Variants in POP1 observed in about 807,000 individuals in gnomAD.
POP1 encodes POP1 ribonuclease P/MRP subunit.
POP1 carries 75 observed loss-of-function variants against 102.2 expected under a neutral mutation model. That is an observed-to-expected ratio of 0.73 (90% CI 0.61 to 0.89). The LOEUF (loss-of-function observed/expected upper bound fraction) is 0.89, where lower values mean the gene tolerates loss of function less well. Ranked by LOEUF, POP1 falls within the 40% of genes least tolerant of loss-of-function variation. The pLI is 0.00. For missense variants in POP1, 1,116 were observed against 1,267.4 expected (o/e 0.88, Z 1.81); for synonymous variants, 436 against 464.1 (o/e 0.94, Z 0.78).
chr8:98,128,223 T>C (rs1816269447), intron 3 of POP1, 142 bp from the exon 4 acceptor site: 3 of 770,348 alleles, frequency 3.9e-6, no homozygotes, highest in Admixed American at 2.1e-5. Context: ...TTGTACCTTG[T>C]ACCTATACCT....
At chr8:98,155,768 C>CAGGG (rs1292630258) in intron 14 of POP1, among the ~76,000 whole-genome samples, 47 of 146,164 alleles carry the variant, frequency 3.2e-4, no homozygotes, top group African/African-American at 1.1e-3. Flanking sequence ...TTTAGTAGAG[C>CAGGG]TTTCACCATG....
chr8:98,130,230 A>C lies in POP1; in HGVS notation c.735+4A>C. The C allele has an allele frequency of 6.2e-7, 1 of 1,614,062 alleles. No homozygotes were observed. The highest frequency in any genetic ancestry group is 8.5e-7 in the Non-Finnish European group (1 of 1,180,016). ...GACGAACCGGTGCCTCCTGCAGGTG[A>C]GCTTTTCCAGTGGGCTTTTTTTGTT... On this transcript the variant is annotated splice_donor_region_variant and intron_variant, in intron 5 of 15. Transcript: ENST00000401707.
At chr8:98,155,912 T>C in intron 14 of POP1, 138 bp from the exon 15 acceptor site, 1 of 255,078 alleles carries the variant, frequency 3.9e-6, no homozygotes, top group Admixed American at 6.1e-5. Flanking sequence ...AAAGCTTTTG[T>C]GTGTGTGTGT....
chr8:98,122,720 G>T (rs545266113), intron 1 of POP1, among the ~76,000 whole-genome samples: 1 of 152,154 alleles, frequency 6.6e-6, no homozygotes, highest in South Asian at 2.1e-4. Flanking sequence ...TACATTTAGG[G>T]CATCTATTGT....
At chr8:98,156,002 C>T in intron 14 of POP1, 48 bp from the exon 15 acceptor site, 1 of 1,501,862 alleles carries the variant, frequency 6.7e-7, no homozygotes, top group Non-Finnish European at 9.0e-7. Flanking sequence ...TTTTAGTTTT[C>T]CAATCCTAAA....
At chr8:98,121,250 C>G (rs1056524775) in intron 1 of POP1, among the ~76,000 whole-genome samples, 3 of 152,136 alleles carry the variant, frequency 2.0e-5, no homozygotes, top group South Asian at 2.1e-4. Flanking sequence ...ACCATATAGG[C>G]AAGTCTTAAT....
Position 98,156,060 on chromosome 8 carries a change from G to A in POP1, c.2068G>A (p.Ala690Thr). 1 of 1,613,526 alleles carries A rather than the reference G, an allele frequency of 6.2e-7. No homozygotes were observed. Among genetic ancestry groups the A allele is most frequent in the Non-Finnish European group, 8.5e-7 (1 of 1,179,998 alleles). ...LLEKYKRRPPAKRPNYVKLGT... is the reference protein window; with the variant it reads ...LLEKYKRRPPTKRPNYVKLGT... ...TATGTTTTTCTTTAGACGCCCTCCT[G>A]CAAAACGGCCCAACTACGTTAAGCT... The change falls in exon 15 of 16, where the codon GCA (alanine) becomes ACA (threonine). Residue 690 changes from alanine to threonine, a missense_variant. Coordinates refer to ENST00000401707, the MANE Select transcript of POP1 (RefSeq NM_001145860.2).
chr8:98,123,567 A>G, intron 2 of POP1, 88 bp downstream of exon 2: 1 of 1,173,462 alleles, frequency 8.5e-7, no homozygotes, highest in Admixed American at 2.0e-5. Context: ...TCATGAGGTC[A>G]AGAGATCAAG....
At chr8:98,154,129 G>A (rs922263258) in intron 14 of POP1, among the ~76,000 whole-genome samples, 2 of 152,168 alleles carry the variant, frequency 1.3e-5, no homozygotes, top group Admixed American at 6.5e-5. Flanking sequence ...AGTGGAAGAC[G>A]GAATTGAGAG....
intron 1 of POP1, among the ~76,000 whole-genome samples, chr8:98,119,579 A>AATCTT (rs1563768007): frequency 6.6e-6 from 1 of 152,120 alleles, no homozygotes; most frequent in Non-Finnish European, 1.5e-5. Flanking sequence ...TTCCTTCTGG[A>AATCTT]AACTTTTTTT....
intron 6 of POP1, 52 bp downstream of exon 6, chr8:98,134,088 T>C: frequency 1.5e-6 from 2 of 1,362,872 alleles, no homozygotes; most frequent in Non-Finnish European, 1.1e-6. Context: ...TATTTATTCA[T>C]TTCATAAAGA....
intron 1 of POP1, among the ~76,000 whole-genome samples, chr8:98,118,614 C>T (rs1210835642): frequency 2.6e-5 from 4 of 151,914 alleles, no homozygotes; most frequent in Admixed American, 6.6e-5. Flanking sequence ...TCTGTGGAGA[C>T]GGGGCTTCTT....
At position 98,158,250 on chromosome 8, in the gene POP1, G is replaced by A. The variant is rs756017733; in HGVS notation, c.3054G>A (p.Ala1018=). 55 of 1,610,560 alleles carry A rather than the reference G, an allele frequency of 3.4e-5. No individual in the cohort carries two copies. Among genetic ancestry groups the A allele is most frequent in the African/African-American group, 5.3e-5 (4 of 74,928 alleles). The change falls in exon 16 of 16, where the codon GCG becomes GCA. Residue 1018 remains alanine, a synonymous_variant. Coordinates refer to ENST00000401707, the MANE Select transcript of POP1 (RefSeq NM_001145860.2). The stretch of plus-strand genomic sequence containing the variant: ...CCGCCTCTCTGCAGTATCGATTTGC[G>A]AGGATTGCTATTGAGGTGTGAATGC... The part of the protein sequence containing the change: ...RPPASLQYRF[A]RIAIEV
intron 7 of POP1, among the ~76,000 whole-genome samples, chr8:98,135,429 T>A (rs1052522870): frequency 6.6e-5 from 10 of 152,246 alleles, no homozygotes; most frequent in Admixed American, 4.6e-4. Context: ...ATCTAGGGGC[T>A]ATTTGATAAT....
Position 98,123,493 on chromosome 8 carries a change from A to G in POP1, c.142+14A>G, listed in dbSNP as rs1212794100. 2 of 1,612,028 alleles carry G rather than the reference A, an allele frequency of 1.2e-6. No individual in the cohort carries two copies. The highest frequency in any genetic ancestry group is 1.7e-6 in the Non-Finnish European group (2 of 1,178,682). ...CTCAAAAACAAGGTAAAATACACATAAGAGACCAGGCATGGTGGCTCACGC... is the reference window on the plus strand; with the variant it reads ...CTCAAAAACAAGGTAAAATACACATGAGAGACCAGGCATGGTGGCTCACGC... On this transcript the variant is annotated intron_variant, in intron 2 of 15. Coordinates refer to ENST00000401707, the MANE Select transcript of POP1 (RefSeq NM_001145860.2).
At chr8:98,153,737 C>T (rs1392817692) in intron 14 of POP1, among the ~76,000 whole-genome samples, 1 of 151,848 alleles carries the variant, frequency 6.6e-6, no homozygotes, top group Non-Finnish European at 1.5e-5. Flanking sequence ...CAGGTTTCAC[C>T]ATGTTGGCCA....
intron 2 of POP1, among the ~76,000 whole-genome samples, chr8:98,125,813 T>C (rs951551506): frequency 6.6e-6 from 1 of 152,094 alleles, no homozygotes; most frequent in African/African-American, 2.4e-5. Flanking sequence ...GTGCTGGGAT[T>C]ACAGACATGA....
chr8:98,153,533 C>T (rs951026277), intron 14 of POP1, among the ~76,000 whole-genome samples: 19,266 of 86,472 alleles, frequency 0.22, 2,206 homozygotes, highest in African/African-American at 0.35. Context: ...AGTTCTGACT[C>T]TTTTTTTTTT....
At chr8:98,124,037 C>T (rs1816118251) in intron 2 of POP1, among the ~76,000 whole-genome samples, 1 of 151,988 alleles carries the variant, frequency 6.6e-6, no homozygotes. Flanking sequence ...TTTGAGTTTC[C>T]CTGTGTTTAC....
Sources: allele counts gnomAD v4.1 joint callset (sites outside exome capture counted in the v4.1 genomes callset), GRCh38; gene constraint gnomAD v4.1.1; transcripts MANE v1.5; gene names NCBI Gene and HGNC (gene_info 2026-07-23, HGNC 2026-07-21).